The following ITGB4 variants were observed in gnomAD, a reference collection of about 807,000 sequenced individuals.
ITGB4 encodes the protein integrin beta-4.
A neutral mutation model predicts 207.6 loss-of-function variants in ITGB4; 159 were observed. The observed-to-expected ratio is 0.77, with a 90% CI of 0.67 to 0.87. The LOEUF is 0.87. Among genes scored for constraint, ITGB4 ranks in the 40% least tolerant of loss-of-function variants. The pLI is 0.00. For missense variants in ITGB4, 2,278 were observed against 2,546.8 expected, an observed-to-expected ratio of 0.89 and a Z score of 2.27; for synonymous variants, 1,020 against 1,062.7, an observed-to-expected ratio of 0.96 and a Z score of 0.78.
rs1212615485 is a variant in ITGB4 at position 75,752,212 on chromosome 17, C to A, written c.3832C>A (p.Pro1278Thr). 4.3e-6 allele frequency: 7 copies of A among 1,613,818 alleles called. No individual in the cohort carries two copies. The Admixed American group carries it at 1.0e-4, about 23-fold the overall frequency. ...GPMKKVLVDN[P>T]KNRMLLIENL... ...CATGAAGAAAGTGCTGGTTGACAAC[C>A]CTAAGAACCGGATGCTGCTTATTGA... The change falls in exon 31 of 40, where the codon CCT becomes ACT. Residue 1278 changes from proline to threonine, a missense_variant. Coordinates refer to ENST00000200181, the MANE Select transcript of ITGB4 (RefSeq NM_000213.5).
Position 75,750,046 on chromosome 17 carries a change from C to T in ITGB4, c.3317-65C>T. On this transcript the variant is annotated intron_variant, in intron 27 of 39. Coordinates refer to ENST00000200181, the MANE Select transcript of ITGB4 (RefSeq NM_000213.5). This position sits in a 1 kb window ranked among gnomAD's most constrained non-coding sequence, Gnocchi z 5.5. ...GAGCGCCCTGGGTGTTGAAGTGGGT[C>T]TCTGGCGCCCCCTGGTGGTGAAGGG... The T allele has an allele frequency of 1.9e-6, 3 of 1,604,316 alleles. No individual in the cohort carries two copies. The highest frequency in any genetic ancestry group is 2.6e-6 in the Non-Finnish European group (3 of 1,172,244).
At chr17:75,728,861 G>T (rs1167936390) in intron 6 of ITGB4, among the ~76,000 whole-genome samples, 1 of 151,984 alleles carries the variant, frequency 6.6e-6, no homozygotes, top group Non-Finnish European at 1.5e-5. Flanking sequence ...GTGGGCACCG[G>T]TAGTCCCAGC....
chr17:75,751,792 C>T (rs573768722), intron 30 of ITGB4: 15 of 316,360 alleles, frequency 4.7e-5, no homozygotes, highest in Non-Finnish European at 8.5e-5. Flanking sequence ...TCTAGCAGCC[C>T]GAGATCAGAG....
At position 75,738,553 on chromosome 17, in the gene ITGB4, G is replaced by A. The variant is rs541089564; in HGVS notation, c.2220+909G>A. Reference sequence around the variant, plus strand: ...TTCCCCAGCTCTAGTGCCCGCCCAGGACCCCCACTCCATCAGCCATCAGTG... The same window carrying A: ...TTCCCCAGCTCTAGTGCCCGCCCAGAACCCCCACTCCATCAGCCATCAGTG... On this transcript the variant is annotated intron_variant, in intron 18 of 39. Transcript: ENST00000200181. 7.2e-5 allele frequency among the ~76,000 whole-genome samples: 11 copies of A among 152,338 alleles called. No homozygotes were observed. In the South Asian group the frequency reaches 1.7e-3, roughly 23 times the overall value.
In ITGB4 at chr17:75,756,651, C is replaced by T. The variant is rs542100967; in HGVS notation, c.4897+34C>T. On this transcript the variant is annotated intron_variant, in intron 36 of 39. Coordinates refer to ENST00000200181, the MANE Select transcript of ITGB4 (RefSeq NM_000213.5). Reference sequence around the variant, plus strand: ...CCTCCCCCAGCCCCAGAGCTGCCCCCATCATGCCCACCACCCACCCACAGG... The same window carrying T: ...CCTCCCCCAGCCCCAGAGCTGCCCCTATCATGCCCACCACCCACCCACAGG... The T allele has an allele frequency of 4.3e-6, 7 of 1,613,070 alleles. No individual in the cohort carries two copies. The African/African-American group carries it at 6.7e-5, about 15-fold the overall frequency.
chr17:75,735,241 C>A (rs1186425807), intron 13 of ITGB4, among the ~76,000 whole-genome samples: 5 of 151,966 alleles, frequency 3.3e-5, no homozygotes, highest in Admixed American at 3.3e-4. Flanking sequence ...GGGCCCACCA[C>A]CAAGCCCAGC....
rs1219909549 is a variant in ITGB4 at position 75,752,270 on chromosome 17, C to T, written c.3890C>T (p.Thr1297Met). The change falls in exon 31 of 40, where the codon ACG becomes ATG. Residue 1297 changes from threonine (T) to methionine (M), a missense_variant. Physicochemically the swap from Thr to Met is moderately conservative, Grantham distance 81. Transcript: ENST00000200181. ...CGGGAGTCCCAGCCCTACCGCTACACGGTGAAGGCGCGCAACGGGGCCGGC... is the reference window on the plus strand; with the variant it reads ...CGGGAGTCCCAGCCCTACCGCTACATGGTGAAGGCGCGCAACGGGGCCGGC... Reference protein sequence around the residue: ...NLRESQPYRYTVKARNGAGWG... With the variant: ...NLRESQPYRYMVKARNGAGWG... The T allele has an allele frequency of 8.1e-6, 13 of 1,613,456 alleles. No homozygotes were observed. Among genetic ancestry groups the T allele is most frequent in the East Asian group, 4.5e-5 (2 of 44,888 alleles).
intron 32 of ITGB4, 33 bp downstream of exon 32, chr17:75,752,610 G>A (rs1489151621): frequency 1.9e-6 from 3 of 1,612,542 alleles, no homozygotes; most frequent in African/African-American, 2.7e-5. Flanking sequence ...CAAGAGGACA[G>A]TGGGGGTCTT....
Position 75,729,227 on chromosome 17 carries a change from C to A in ITGB4, c.567-38C>A. 1 of 1,605,368 alleles carries A rather than the reference C, an allele frequency of 6.2e-7. No individual in the cohort carries two copies. The highest frequency in any genetic ancestry group is 8.5e-7 in the Non-Finnish European group (1 of 1,172,740). ...GGGCACTGGGGTCTGCGGCGTCTTC[C>A]CCCTGTGACACTCTCTCTCCCTCCC... On this transcript the variant is annotated intron_variant, in intron 6 of 39. Transcript: ENST00000200181. The surrounding 1 kb of genome is among the most constrained non-coding windows in gnomAD (Gnocchi z 4.4).
chr17:75,740,030 G>A lies in ITGB4; in HGVS notation c.2405G>A (p.Gly802Asp), dbSNP rs143063063. 29 of 1,612,862 alleles carry A rather than the reference G, an allele frequency of 1.8e-5. No individual in the cohort carries two copies. In the African/African-American group the frequency reaches 3.9e-4, roughly 22 times the overall value. The change falls in exon 20 of 40, where the codon GGC becomes GAC. Residue 802 changes from glycine to aspartate, a missense_variant. Gly to Asp is a moderately conservative substitution (Grantham distance 94). Transcript: ENST00000200181. The surrounding 1 kb of genome is among the most constrained non-coding windows in gnomAD (Gnocchi z 5.9). Reference protein sequence around the residue: ...WKVTNNMQRPGFATHAASINP... With the variant: ...WKVTNNMQRPDFATHAASINP... ...GTCACCAACAACATGCAGCGGCCTG[G>A]CTTTGCCACTCATGCCGCCAGCATC... is the stretch of plus-strand genomic sequence containing the variant.
In ITGB4 at chr17:75,729,125, C is replaced by T. The variant is rs1450413948; in HGVS notation, c.567-140C>T. The T allele has an allele frequency of 2.7e-6, 2 of 753,240 alleles. No homozygotes were observed. Among genetic ancestry groups the T allele is most frequent in the Admixed American group, 2.8e-5 (1 of 35,420 alleles). 46.7% of individuals were successfully genotyped at this position (753,240 alleles called of 1,614,324 possible). A position where few individuals can be genotyped will look rare whatever the true frequency, so the allele number is the denominator to read the frequency against. On this transcript the variant is annotated intron_variant, in intron 6 of 39. Coordinates refer to ENST00000200181, the MANE Select transcript of ITGB4 (RefSeq NM_000213.5). This position sits in a 1 kb window ranked among gnomAD's most constrained non-coding sequence, Gnocchi z 4.4. The stretch of plus-strand genomic sequence containing the variant: ...GTGAGCCAAGATCGTGCATACCGCA[C>T]ACCAGCCTGGGTGATAAAGCGAGAC...
intron 30 of ITGB4, 68 bp downstream of exon 30, chr17:75,751,179 G>A: frequency 1.3e-6 from 2 of 1,584,906 alleles, no homozygotes; most frequent in Non-Finnish European, 1.7e-6. Flanking sequence ...GACAAAGCTG[G>A]AGGGAGCTCT....
chr17:75,756,913 G>A (rs1337012046), intron 37 of ITGB4, 30 bp from the exon 38 acceptor site: 8 of 1,612,052 alleles, frequency 5.0e-6, no homozygotes, highest in Middle Eastern at 1.7e-4. Flanking sequence ...AGAGGGGGCC[G>A]CAGACGCTGA....
rs535466278 is a variant in ITGB4, at chr17:75,750,308, G to A, written c.3474+40G>A. On this transcript the variant is annotated intron_variant, in intron 28 of 39. Transcript: ENST00000200181. The surrounding 1 kb of genome is among the most constrained non-coding windows in gnomAD (Gnocchi z 5.5). ...TGAGGGTCACGACAGGTGGATGGGCGGTCTGGCACCAGCACTCACAGAAGA... is the reference window on the plus strand; with the variant it reads ...TGAGGGTCACGACAGGTGGATGGGCAGTCTGGCACCAGCACTCACAGAAGA... 1.0e-5 allele frequency: 16 copies of A among 1,575,028 alleles called. No homozygotes were observed. Among genetic ancestry groups the A allele is most frequent in the South Asian group, 3.5e-5 (3 of 85,668 alleles).
Position 75,739,810 on chromosome 17 carries a change from G to T in ITGB4, c.2255-70G>T. ...GAACGGCAGAGGCTGGAGGCTCTGG[G>T]GTCCCACCTGAAGAGGTTGGGCTGT... On this transcript the variant is annotated intron_variant, in intron 19 of 39. Transcript: ENST00000200181. The surrounding 1 kb of genome is among the most constrained non-coding windows in gnomAD (Gnocchi z 5.4). 1.2e-6 allele frequency: 2 copies of T among 1,606,834 alleles called. No individual in the cohort carries two copies. The highest frequency in any genetic ancestry group is 2.2e-5 in the South Asian group (2 of 90,946).
chr17:75,743,247 T>C (rs911762690), intron 25 of ITGB4, among the ~76,000 whole-genome samples: 1 of 152,102 alleles, frequency 6.6e-6, no homozygotes, highest in African/African-American at 2.4e-5. Flanking sequence ...CTTTTTTTTT[T>C]CTTGGGACAG....
chr17:75,729,210 G>T lies in ITGB4; in HGVS notation c.567-55G>T. On this transcript the variant is annotated intron_variant, in intron 6 of 39. Coordinates refer to ENST00000200181, the MANE Select transcript of ITGB4 (RefSeq NM_000213.5). The surrounding 1 kb of genome is among the most constrained non-coding windows in gnomAD (Gnocchi z 4.4). ...TAGTTGAAACGAGCCAGGGGCACTG[G>T]GGTCTGCGGCGTCTTCCCCCTGTGA... 1 of 1,560,704 alleles carries T rather than the reference G, an allele frequency of 6.4e-7. No homozygotes were observed.
chr17:75,737,248 C>G, intron 16 of ITGB4, 74 bp from the exon 17 acceptor site: 1 of 1,542,268 alleles, frequency 6.5e-7, no homozygotes, highest in Non-Finnish European at 8.8e-7. Context: ...AGTAGGGGCC[C>G]CCTCACCAGA....
chr17:75,728,876 C>T (rs2060785814), intron 6 of ITGB4, among the ~76,000 whole-genome samples: 3 of 150,868 alleles, frequency 2.0e-5, no homozygotes. Context: ...CCCAGCTACT[C>T]GGGAGGCTGA....
Sources: allele counts gnomAD v4.1 joint callset (sites outside exome capture counted in the v4.1 genomes callset), GRCh38; gene constraint gnomAD v4.1.1; non-coding constraint Gnocchi (gnomAD v3.1); transcripts MANE v1.5; gene names NCBI Gene and HGNC (gene_info 2026-07-23, HGNC 2026-07-21).